PRRX1: variants seen among roughly 807,000 people sequenced by gnomAD.
PRRX1 encodes paired mesoderm homeobox protein 1.
PRRX1 carries 8 observed loss-of-function variants against 24.0 expected under a neutral mutation model. The observed-to-expected ratio is 0.33, with a 90% CI of 0.20 to 0.60. The LOEUF (loss-of-function observed/expected upper bound fraction) is 0.60, where lower values mean the gene tolerates loss of function less well. Among genes scored for constraint, PRRX1 ranks in the 20% least tolerant of loss-of-function variants. The pLI is 0.82. For synonymous variants in PRRX1, 160 were observed against 131.7 expected (o/e 1.22, Z -1.47); for missense variants, 281 against 322.4 (o/e 0.87, Z 0.98).
At chr1:170,670,242 C>G (rs1242590424) in intron 1 of PRRX1, among the ~76,000 whole-genome samples, 1 of 152,036 alleles carries the variant, frequency 6.6e-6, no homozygotes, top group Non-Finnish European at 1.5e-5. Context: ...CCTTTAACTC[C>G]GTTTACAGCA....
chr1:170,682,611 AT>A (rs990055615), intron 1 of PRRX1, among the ~76,000 whole-genome samples: 15 of 149,630 alleles, frequency 1.0e-4, no homozygotes, highest in African/African-American at 2.0e-4. Context: ...TCTCTCACTC[AT>A]TTTTTTTTCA....
At chr1:170,697,104 C>T (rs1310566068) in intron 1 of PRRX1, among the ~76,000 whole-genome samples, 4 of 152,074 alleles carry the variant, frequency 2.6e-5, no homozygotes, top group African/African-American at 9.7e-5. Flanking sequence ...TTCTTAAATA[C>T]ACATTAACTG....
intron 1 of PRRX1, among the ~76,000 whole-genome samples, chr1:170,713,436 G>A (rs1433776945): frequency 6.6e-6 from 1 of 152,148 alleles, no homozygotes; most frequent in Non-Finnish European, 1.5e-5. Flanking sequence ...AAGGTGATAT[G>A]GATTGTGTTA....
chr1:170,663,818 C>T (rs1652808902), upstream of PRRX1: 3 of 173,412 alleles, frequency 1.7e-5, no homozygotes, highest in South Asian at 5.6e-4. Flanking sequence ...TTCCTCTCTC[C>T]CCCTTGTTAT....
rs150449319 is a variant in PRRX1, at chr1:170,675,713, A to G, written c.241+11254A>G. Among the ~76,000 whole-genome samples the G allele has an allele frequency of 1.7e-3, 256 of 152,256 alleles. 2 individuals are homozygous for G. The highest frequency in any genetic ancestry group is 0.01 in the Middle Eastern group (3 of 294). On this transcript the variant is annotated intron_variant, in intron 1 of 3. Transcript: ENST00000239461. ...TTTCAGGGAAACAACATATTTTATT[A>G]TTATGAAGTCTATGTAAAAATTTTT...
chr1:170,668,158 TC>T (rs1653015343), intron 1 of PRRX1: 1 of 152,262 alleles, frequency 6.6e-6, no homozygotes, highest in African/African-American at 2.4e-5. Flanking sequence ...TTGTTTGGGA[TC>T]CAGTGGCTAA....
At chr1:170,689,494 G>C (rs1425819534) in intron 1 of PRRX1, among the ~76,000 whole-genome samples, 1 of 152,112 alleles carries the variant, frequency 6.6e-6, no homozygotes, top group Non-Finnish European at 1.5e-5. Context: ...TGCAACAATT[G>C]AGAACATTCA....
intron 1 of PRRX1, among the ~76,000 whole-genome samples, chr1:170,710,645 A>T (rs1365034939): frequency 6.6e-6 from 1 of 152,212 alleles, no homozygotes; most frequent in African/African-American, 2.4e-5. Flanking sequence ...CCCCAGTGTG[A>T]CACTATTTGG....
In PRRX1 at chr1:170,687,468, G is replaced by A. The variant is rs75817690; in HGVS notation, c.241+23009G>A. ...AGTAGATGACGTTTGCTTCGACAGA[G>A]CAGCAGGACACAAGGGCTAAGAACA... On this transcript the variant is annotated intron_variant, in intron 1 of 3. Coordinates refer to ENST00000239461, the MANE Select transcript of PRRX1 (RefSeq NM_022716.4). 3.9e-3 allele frequency among the ~76,000 whole-genome samples: 601 copies of A among 152,272 alleles called. 1 individual carries two copies. Among genetic ancestry groups the A allele is most frequent in the Admixed American group, 6.9e-3 (105 of 15,284 alleles).
intron 3 of PRRX1, among the ~76,000 whole-genome samples, chr1:170,733,468 A>C (rs528965658): frequency 3.3e-5 from 5 of 152,156 alleles, no homozygotes; most frequent in African/African-American, 1.2e-4. Flanking sequence ...TTAAAAGCAC[A>C]ATATTCTATG....
intron 1 of PRRX1, among the ~76,000 whole-genome samples, chr1:170,690,169 C>T (rs760193540): frequency 9.2e-5 from 14 of 151,786 alleles, no homozygotes; most frequent in East Asian, 1.9e-4. Flanking sequence ...TAATGTCCCA[C>T]GCACTGTAAT....
intron 1 of PRRX1, among the ~76,000 whole-genome samples, chr1:170,665,062 T>C (rs1558040643): frequency 6.6e-6 from 1 of 152,214 alleles, no homozygotes; most frequent in Non-Finnish European, 1.5e-5. Flanking sequence ...TGCCCCCTGC[T>C]GTTGCCTCTA....
intron 1 of PRRX1, among the ~76,000 whole-genome samples, chr1:170,689,841 T>TCTCTCTCTCTCTCC (rs1653875269): frequency 3.6e-5 from 2 of 55,290 alleles, no homozygotes; most frequent in Non-Finnish European, 7.5e-5. Flanking sequence ...TCTCTCTCCC[T>TCTCTCTCTCTCTCC]CTCTCTCTCT....
In PRRX1 at chr1:170,723,301, G is replaced by A. The variant is rs571526156; in HGVS notation, c.418-2919G>A. Among the ~76,000 whole-genome samples the A allele has an allele frequency of 5.9e-5, 9 of 151,718 alleles. No homozygotes were observed. The South Asian group carries it at 6.2e-4, about 10-fold the overall frequency. On this transcript the variant is annotated intron_variant, in intron 2 of 3. Transcript: ENST00000239461. ...TAATTTATGTGTATGTTGGCCCCTC[G>A]AGCTGTACAACTGCTCACTCCACAA...
At chr1:170,701,036 T>C (rs1267836116) in intron 1 of PRRX1, among the ~76,000 whole-genome samples, 3 of 152,218 alleles carry the variant, frequency 2.0e-5, no homozygotes, top group African/African-American at 7.2e-5. Flanking sequence ...AATCCACTTT[T>C]AGGAATGAGT....
intron 1 of PRRX1, among the ~76,000 whole-genome samples, chr1:170,715,556 T>C (rs1213655231): frequency 6.6e-6 from 1 of 152,226 alleles, no homozygotes; most frequent in African/African-American, 2.4e-5. Context: ...TGAGATGTGT[T>C]TTAGGAACAG....
At chr1:170,724,312 CT>C (rs1185995386) in intron 2 of PRRX1, among the ~76,000 whole-genome samples, 1 of 152,090 alleles carries the variant, frequency 6.6e-6, no homozygotes, top group Non-Finnish European at 1.5e-5. Flanking sequence ...TCAATTTTTG[CT>C]TTTGTTGAAA....
At chr1:170,674,240 G>GCACACA (rs369117667) in intron 1 of PRRX1, among the ~76,000 whole-genome samples, 1 of 150,830 alleles carries the variant, frequency 6.6e-6, no homozygotes, top group African/African-American at 2.4e-5. Context: ...GCGCACGCAC[G>GCACACA]CACACACACA....
chr1:170,689,740 G>A (rs981000994), intron 1 of PRRX1, among the ~76,000 whole-genome samples: 3 of 151,916 alleles, frequency 2.0e-5, no homozygotes, highest in African/African-American at 7.2e-5. Context: ...GGTGGGGAGT[G>A]CATGGGATAC....
Sources: gnomAD v4.1 joint callset for allele counts (sites outside exome capture counted in the v4.1 genomes callset) on GRCh38, gnomAD v4.1.1 for gene constraint, MANE v1.5 for transcripts, NCBI Gene and HGNC (gene_info 2026-07-23, HGNC 2026-07-21) for gene names.